The following FGL1 variants were observed in gnomAD, a reference collection of about 807,000 sequenced individuals.
FGL1 encodes the protein fibrinogen-like protein 1.
In FGL1, 59 loss-of-function variants were observed where a neutral mutation model predicts 43.7. The observed-to-expected ratio is 1.35, with a 90% CI of 1.10 to 1.68. The LOEUF is 1.68. Among genes scored for constraint, FGL1 ranks in the 40% most tolerant of loss-of-function variants. FGL1 has a pLI of 0.00. For missense variants in FGL1, 596 were observed against 373.0 expected (o/e 1.60, Z -4.92); for synonymous variants, 192 against 126.5 (o/e 1.52, Z -3.48).
At chr8:17,876,866 G>A (rs1457726142) in intron 3 of FGL1, among the ~76,000 whole-genome samples, 2 of 152,158 alleles carry the variant, frequency 1.3e-5, no homozygotes, top group Non-Finnish European at 2.9e-5. Flanking sequence ...CTAACTGCGA[G>A]TTTGTTATTT....
At chr8:17,874,594 T>C (rs2053417536) in intron 3 of FGL1, 73 bp from the exon 4 acceptor site, 3 of 1,216,914 alleles carry the variant, frequency 2.5e-6, no homozygotes, top group Non-Finnish European at 3.5e-6. Context: ...AGCCTCTGAA[T>C]GAGACTACTC....
intron 2 of FGL1, 190 bp from the exon 3 acceptor site, chr8:17,882,369 A>T (rs1201634948): frequency 1.8e-5 from 9 of 507,632 alleles, no homozygotes; most frequent in Non-Finnish European, 3.1e-5. Flanking sequence ...ATTATGGCTT[A>T]TGCGAAAACT....
intron 2 of FGL1, among the ~76,000 whole-genome samples, chr8:17,883,813 C>A: frequency 7.3e-6 from 1 of 136,766 alleles, no homozygotes; most frequent in East Asian, 2.2e-4. Flanking sequence ...TCCCCTTTCC[C>A]TTCCTCTTCC....
intron 3 of FGL1, among the ~76,000 whole-genome samples, chr8:17,880,402 T>G (rs768705481): frequency 2.2e-4 from 34 of 152,262 alleles, no homozygotes; most frequent in Non-Finnish European, 4.4e-4. Flanking sequence ...CCTACACTTG[T>G]ATGATTAGAA....
Position 17,895,448 on chromosome 8 carries a change from T to A in FGL1, c.-19A>T. ...ATGCAGAGACATTAAATAACTTGCC[T>A]AAAGTCAGAAGTGAGTCAGAGACCC... On this transcript the variant is annotated splice_region_variant and 5_prime_UTR_variant, in exon 1 of 8. Transcript: ENST00000427924. 4 of 1,283,658 alleles carry A rather than the reference T, an allele frequency of 3.1e-6. No individual in the cohort carries two copies. Among genetic ancestry groups the A allele is most frequent in the Non-Finnish European group, 4.1e-6 (4 of 984,276 alleles). The allele number at this position is 1,283,658 out of a possible 1,614,324, so 79.5% of individuals were successfully genotyped here.
chr8:17,874,065 A>C lies in FGL1; in HGVS notation c.456T>G (p.Gly152=), dbSNP rs1349775738. ...NGFGNFVQKH[G]EYWLGNKNLH... is the part of the protein sequence containing the mutation. ...GATTTTTATTGCCCAGCCAATATTC[A>C]CCATGTTTTTGGACAAAATTTCCAA... Residue 152 remains glycine, a synonymous_variant, in exon 5 of 8, where the codon GGT becomes GGG. Transcript: ENST00000427924. The C allele has an allele frequency of 6.2e-7, 1 of 1,612,152 alleles. No homozygotes were observed. The highest frequency in any genetic ancestry group is 2.2e-5 in the East Asian group (1 of 44,752).
chr8:17,864,913 C>G (rs951492419), intron 7 of FGL1, among the ~76,000 whole-genome samples, 162 bp from the exon 8 acceptor site: 1 of 152,042 alleles, frequency 6.6e-6, no homozygotes, highest in African/African-American at 2.4e-5. Context: ...TGAGAAATTT[C>G]TACAACAGAT....
rs929385431 is a variant in FGL1, at chr8:17,867,356, G to A, written c.779+1192C>T. ...CTGCAGTAAACCAAAAGAAGACCAC[G>A]ACAGTGTATGTCACTGTAAAATTTC... On this transcript the variant is annotated intron_variant, in intron 7 of 7. Transcript: ENST00000427924. 2.1e-4 allele frequency among the ~76,000 whole-genome samples: 32 copies of A among 152,122 alleles called. 1 individual carries two copies. The highest frequency in any genetic ancestry group is 3.2e-3 in the Middle Eastern group (1 of 316).
chr8:17,868,770 T>A (rs2053311352), intron 6 of FGL1, 35 bp from the exon 7 acceptor site: 4 of 1,576,574 alleles, frequency 2.5e-6, no homozygotes, highest in Non-Finnish European at 3.5e-6. Flanking sequence ...GTCAGTGGAG[T>A]TCCTCTATGA....
chr8:17,881,845 A>C (rs1239554190), intron 3 of FGL1, among the ~76,000 whole-genome samples, 154 bp downstream of exon 3: 1 of 151,990 alleles, frequency 6.6e-6, no homozygotes, highest in Non-Finnish European at 1.5e-5. Context: ...AAAAAAAAAA[A>C]AAAAGTAAAG....
intron 1 of FGL1, among the ~76,000 whole-genome samples, chr8:17,887,450 A>G (rs1331686970): frequency 3.3e-5 from 5 of 152,224 alleles, no homozygotes; most frequent in East Asian, 3.8e-4. Flanking sequence ...TCCACATCAA[A>G]TGGTCTAAAG....
At chr8:17,890,167 T>C (rs1322555790) in intron 1 of FGL1, among the ~76,000 whole-genome samples, 1 of 152,186 alleles carries the variant, frequency 6.6e-6, no homozygotes, top group Non-Finnish European at 1.5e-5. Context: ...AGACTCTACG[T>C]TCAAAATTTA....
intron 2 of FGL1, among the ~76,000 whole-genome samples, chr8:17,885,234 G>A (rs941309943): frequency 3.3e-5 from 5 of 151,820 alleles, no homozygotes; most frequent in Non-Finnish European, 7.4e-5. Context: ...TAGTAAAGAT[G>A]GGGTTTCACC....
intron 4 of FGL1, 76 bp downstream of exon 4, chr8:17,874,286 G>T: frequency 6.7e-7 from 1 of 1,494,876 alleles, no homozygotes; most frequent in Non-Finnish European, 9.2e-7. Flanking sequence ...TAGGCTTCAG[G>T]ATATGATCAA....
Position 17,875,535 on chromosome 8 carries a change from C to CTTTCTTTCTGTCTCTT in FGL1, c.245-1015_245-1014insAAGAGACAGAAAGAAA, listed in dbSNP as rs1554564386. ...TCTTTCTTTCTTTCTTTCTTTCTTT[C>CTTTCTTTCTGTCTCTT]TCTTTCTTTCTTTCTTTCTTTCTTT... is the stretch of plus-strand genomic sequence containing the variant. On this transcript the variant is annotated intron_variant, in intron 3 of 7. Coordinates refer to ENST00000427924, the MANE Select transcript of FGL1 (RefSeq NM_004467.4). Among the ~76,000 whole-genome samples, 2 of 25,456 alleles carry CTTTCTTTCTGTCTCTT rather than the reference C, an allele frequency of 7.9e-5. 1 individual carries two copies. The highest frequency in any genetic ancestry group is 1.9e-4 in the Non-Finnish European group (2 of 10,796). 16.7% of individuals were successfully genotyped at this position (25,456 alleles called of 152,430 possible).
chr8:17,874,846 G>C (rs139174637), intron 3 of FGL1, among the ~76,000 whole-genome samples: 5,550 of 151,716 alleles, frequency 0.037, 137 homozygotes, highest in African/African-American at 0.059. Context: ...TATTGCCCAG[G>C]CTGGTCTCGA....
intron 7 of FGL1, 194 bp downstream of exon 7, chr8:17,868,354 C>T: frequency 2.5e-6 from 1 of 396,708 alleles, no homozygotes; most frequent in Non-Finnish European, 4.4e-6. Flanking sequence ...ATGACATTTA[C>T]ACTTTACTAA....
At chr8:17,884,836 A>G (rs185076711) in intron 2 of FGL1, among the ~76,000 whole-genome samples, 22 of 152,218 alleles carry the variant, frequency 1.4e-4, no homozygotes, top group Non-Finnish European at 2.9e-4. Flanking sequence ...TGTCTTTTTT[A>G]TTCACAAATG....
At position 17,868,711 on chromosome 8, in the gene FGL1, C is replaced by A. The variant is rs770807340; in HGVS notation, c.616G>T (p.Glu206Ter). The A allele has an allele frequency of 9.3e-6, 15 of 1,612,654 alleles. No homozygotes were observed. The highest frequency in any genetic ancestry group is 4.0e-5 in the African/African-American group (3 of 74,858). The change falls in exon 7 of 8, where the codon GAA (glutamate) becomes TAA (stop). Residue 206 changes from glutamate to a stop codon, truncating the protein, a stop_gained. Coordinates refer to ENST00000427924, the MANE Select transcript of FGL1 (RefSeq NM_004467.4). LOFTEE classifies it high-confidence loss of function. ...EKNFYELNIG[E>*]YSGTAGDSLA... is the part of the protein sequence containing the mutation. ...GAATCTCCAGCTGTTCCAGAATATT[C>A]CCCAATATTCAACTCGTAGAAATTC...
Sources: allele counts gnomAD v4.1 joint callset (sites outside exome capture counted in the v4.1 genomes callset), GRCh38; gene constraint gnomAD v4.1.1; transcripts MANE v1.5; gene names NCBI Gene and HGNC (gene_info 2026-07-23, HGNC 2026-07-21).